The following CFAP299 variants were observed in gnomAD, a reference collection of about 807,000 sequenced individuals.
CFAP299 encodes the protein cilia and flagella associated protein 299.
In CFAP299, 21 loss-of-function variants were observed where a neutral mutation model predicts 27.0. The ratio of observed to expected loss-of-function variants is 0.78; its 90% CI spans 0.55 to 1.12. CFAP299 has a LOEUF of 1.12. CFAP299 is among the 50% of genes most tolerant of loss of function. The pLI is 0.00. For synonymous variants in CFAP299, 104 were observed against 98.1 expected (o/e 1.06, Z -0.36); for missense variants, 310 against 276.6 (o/e 1.12, Z -0.86).
At chr4:80,606,607 T>C (rs1737691956) in intron 3 of CFAP299, among the ~76,000 whole-genome samples, 2 of 152,164 alleles carry the variant, frequency 1.3e-5, no homozygotes, top group South Asian at 2.1e-4. Flanking sequence ...ATTTGTTTCT[T>C]AAAGATATAA....
intron 3 of CFAP299, among the ~76,000 whole-genome samples, chr4:80,831,388 C>A (rs1730292274): frequency 6.6e-6 from 1 of 152,100 alleles, no homozygotes; most frequent in African/African-American, 2.4e-5. Context: ...ATCACCTGTG[C>A]ATGTCCATAC....
chr4:80,569,717 A>G (rs139344478), intron 2 of CFAP299, among the ~76,000 whole-genome samples: 221 of 152,136 alleles, frequency 1.5e-3, no homozygotes, highest in Non-Finnish European at 2.3e-3. Context: ...CCACATTAAT[A>G]GTAATATCCT....
the CFAP299 span, among the ~76,000 whole-genome samples, chr4:80,322,611 G>T: frequency 6.6e-6 from 1 of 152,066 alleles, no homozygotes; most frequent in South Asian, 2.1e-4. Context: ...AGCGCTGTCT[G>T]TTCTGCTATC....
At chr4:80,608,105 A>G (rs1373679882) in intron 3 of CFAP299, among the ~76,000 whole-genome samples, 2 of 152,134 alleles carry the variant, frequency 1.3e-5, no homozygotes, top group African/African-American at 4.8e-5. Context: ...GTATATATAC[A>G]CACATACTTA....
In CFAP299 at chr4:80,681,233, T is replaced by A. The variant is rs557061623; in HGVS notation, c.333+98050T>A. On this transcript the variant is annotated intron_variant, in intron 3 of 5. Coordinates refer to ENST00000358105, the MANE Select transcript of CFAP299 (RefSeq NM_152770.3). ...GCCCCTCTCTCTATTGAATATGTACTATATGTATCCCCTCCTGTGACAGAG... is the reference window on the plus strand; with the variant it reads ...GCCCCTCTCTCTATTGAATATGTACAATATGTATCCCCTCCTGTGACAGAG... 1.0e-3 allele frequency among the ~76,000 whole-genome samples: 156 copies of A among 152,294 alleles called. 1 individual carries two copies. The highest frequency in any genetic ancestry group is 3.6e-3 in the African/African-American group (148 of 41,554).
At position 80,848,712 on chromosome 4, in the gene CFAP299, G is replaced by A. The variant is rs1013642574; in HGVS notation, c.334-21281G>A. 8.5e-5 allele frequency among the ~76,000 whole-genome samples: 13 copies of A among 152,124 alleles called. 1 individual carries two copies. Among genetic ancestry groups the A allele is most frequent in the South Asian group, 8.3e-4 (4 of 4,814 alleles). On this transcript the variant is annotated intron_variant, in intron 3 of 5. Coordinates refer to ENST00000358105, the MANE Select transcript of CFAP299 (RefSeq NM_152770.3). ...GATCAGTTGAGCCCAGGAGGTCAAG[G>A]CTGCTGTAAGCCATGATCACACTAA...
At chr4:80,416,861 G>A (rs1727036460) in intron 2 of CFAP299, among the ~76,000 whole-genome samples, 1 of 152,134 alleles carries the variant, frequency 6.6e-6, no homozygotes. Flanking sequence ...ATTGTTACTG[G>A]AAAAGAGTTC....
intron 2 of CFAP299, among the ~76,000 whole-genome samples, chr4:80,492,163 G>A (rs552200146): frequency 1.3e-5 from 2 of 152,120 alleles, no homozygotes; most frequent in East Asian, 3.9e-4. Flanking sequence ...CCACCTTTCT[G>A]GGCCAAACCA....
At chr4:80,802,942 A>G (rs1183294450) in intron 3 of CFAP299, among the ~76,000 whole-genome samples, 2 of 152,118 alleles carry the variant, frequency 1.3e-5, no homozygotes, top group East Asian at 3.8e-4. Context: ...ACAAAAAGTT[A>G]AAAGTCAGGG....
At chr4:80,759,270 C>T (rs1725421653) in intron 3 of CFAP299, among the ~76,000 whole-genome samples, 1 of 152,006 alleles carries the variant, frequency 6.6e-6, no homozygotes, top group African/African-American at 2.4e-5. Flanking sequence ...GTCTTCAAGG[C>T]AATCATGGTA....
At chr4:80,651,555 G>C (rs939087018) in intron 3 of CFAP299, among the ~76,000 whole-genome samples, 23 of 151,874 alleles carry the variant, frequency 1.5e-4, no homozygotes, top group African/African-American at 9.7e-5. Flanking sequence ...TGTAGAGATA[G>C]GGTCTCTCTC....
intron 1 of CFAP299, among the ~76,000 whole-genome samples, chr4:80,353,028 A>T (rs1233706932): frequency 6.6e-6 from 1 of 152,206 alleles, no homozygotes; most frequent in Non-Finnish European, 1.5e-5. Context: ...ATACAAATTG[A>T]GTCCAAGCAA....
chr4:80,807,825 G>A (rs1728943248), intron 3 of CFAP299, among the ~76,000 whole-genome samples: 1 of 151,982 alleles, frequency 6.6e-6, no homozygotes, highest in African/African-American at 2.4e-5. Context: ...TTAATAATGT[G>A]TGATGTAAAG....
At position 80,558,816 on chromosome 4, in the gene CFAP299, A is replaced by G. The variant is rs1301511747; in HGVS notation, c.243-24277A>G. Among the ~76,000 whole-genome samples, 6 of 152,314 alleles carry G rather than the reference A, an allele frequency of 3.9e-5. No individual in the cohort carries two copies. The Middle Eastern group carries it at 0.014, about 345-fold the overall frequency. The stretch of plus-strand genomic sequence containing the variant: ...TGAATATAATAGAGAAATAAGTAAA[A>G]TAGAACACTGCATTTAAAAATAATA... On this transcript the variant is annotated intron_variant, in intron 2 of 5. Transcript: ENST00000358105.
At chr4:80,328,459 G>C in the CFAP299 span, among the ~76,000 whole-genome samples, 3 of 145,100 alleles carry the variant, frequency 2.1e-5, no homozygotes, top group African/African-American at 7.7e-5. Flanking sequence ...CAAAGGACAA[G>C]ATTAATACCT....
chr4:80,354,951 A>G (rs1217423322), intron 1 of CFAP299, among the ~76,000 whole-genome samples: 4 of 152,128 alleles, frequency 2.6e-5, no homozygotes, highest in Non-Finnish European at 5.9e-5. Context: ...ATCTAGATTG[A>G]TTCACTGTTG....
At chr4:80,838,209 G>T (rs1390470030) in intron 3 of CFAP299, among the ~76,000 whole-genome samples, 1 of 152,124 alleles carries the variant, frequency 6.6e-6, no homozygotes, top group Non-Finnish European at 1.5e-5. Flanking sequence ...CCATTCTGTA[G>T]GTTGCCTGTT....
chr4:80,375,789 A>G (rs1398163255), intron 2 of CFAP299, among the ~76,000 whole-genome samples: 1 of 152,110 alleles, frequency 6.6e-6, no homozygotes, highest in Non-Finnish European at 1.5e-5. Flanking sequence ...AGGTTCTTGA[A>G]CCACCAGTTT....
intron 4 of CFAP299, among the ~76,000 whole-genome samples, chr4:80,885,042 C>A (rs558788786): frequency 6.6e-6 from 1 of 152,154 alleles, no homozygotes; most frequent in African/African-American, 2.4e-5. Flanking sequence ...AATCTGTGAG[C>A]TTTGGGGAGG....
Sources: allele counts gnomAD v4.1 joint callset (sites outside exome capture counted in the v4.1 genomes callset), GRCh38; gene constraint gnomAD v4.1.1; transcripts MANE v1.5; gene names NCBI Gene and HGNC (gene_info 2026-07-23, HGNC 2026-07-21).